Variants in NEDD4 observed in about 807,000 individuals in gnomAD.
The protein encoded by NEDD4 is E3 ubiquitin-protein ligase NEDD4.
NEDD4 carries 99 observed loss-of-function variants against 144.9 expected under a neutral mutation model. The observed-to-expected ratio is 0.68, with a 90% CI of 0.58 to 0.81. The LOEUF is 0.81. Ranked by LOEUF, NEDD4 falls within the 30% of genes least tolerant of loss-of-function variation. The pLI, the probability that NEDD4 is intolerant of heterozygous loss-of-function variation, is 0.00. For missense variants in NEDD4, 985 were observed against 1,065.9 expected (o/e 0.92, Z 1.06); for synonymous variants, 318 against 350.6 (o/e 0.91, Z 1.04).
chr15:55,896,233 G>A (rs1490548611), intron 5 of NEDD4, among the ~76,000 whole-genome samples: 1 of 152,186 alleles, frequency 6.6e-6, no homozygotes, highest in African/African-American at 2.4e-5. Context: ...CCAGGCTGGA[G>A]TGCAATGGCA....
chr15:55,830,115 T>C (rs2032876738), intron 28 of NEDD4, 116 bp from the exon 29 acceptor site: 2 of 719,186 alleles, frequency 2.8e-6, no homozygotes, highest in South Asian at 1.8e-5. Flanking sequence ...CCAAAATATG[T>C]CTTTTCACCA....
In NEDD4 at chr15:55,955,605, T is replaced by G. The variant is rs1392432831; in HGVS notation, c.120-4016A>C. ...CTGTCTTATTTCAGTTAGTGTAATA[T>G]CCTAATGATTAATCCATATTGTCAC... On this transcript the variant is annotated intron_variant, in intron 2 of 28. Coordinates refer to ENST00000435532, the MANE Select transcript of NEDD4 (RefSeq NM_006154.4). Among the ~76,000 whole-genome samples the G allele has an allele frequency of 2.0e-5, 3 of 152,142 alleles. 1 individual carries two copies. Among genetic ancestry groups the G allele is most frequent in the African/African-American group, 7.2e-5 (3 of 41,444 alleles).
At chr15:55,954,794 G>A (rs753345861) in intron 2 of NEDD4, among the ~76,000 whole-genome samples, 1 of 152,126 alleles carries the variant, frequency 6.6e-6, no homozygotes, top group Non-Finnish European at 1.5e-5. Flanking sequence ...AAAGTGCTGG[G>A]AATACAGGCG....
chr15:55,952,403 A>G (rs1250154456), intron 2 of NEDD4, among the ~76,000 whole-genome samples: 2 of 152,200 alleles, frequency 1.3e-5, no homozygotes, highest in African/African-American at 4.8e-5. Context: ...GACATGGAGA[A>G]GGAAATTCTT....
At chr15:55,857,738 G>A (rs2034252515) in intron 11 of NEDD4, among the ~76,000 whole-genome samples, 1 of 152,048 alleles carries the variant, frequency 6.6e-6, no homozygotes, top group African/African-American at 2.4e-5. Context: ...AATTCAAAAG[G>A]AGCCTGGGAA....
In NEDD4 at chr15:55,833,065, G is replaced by A; in HGVS notation, c.2470C>T (p.Leu824Phe). Reference protein sequence around the residue: ...MMDSEKRIRLLQFVTGTSRVP... With the variant: ...MMDSEKRIRLFQFVTGTSRVP... ...CGAGATGTGCCAGTGACAAACTGAA[G>A]TAATCTTATTCTTTTTTCTGAATCC... Residue 824 changes from leucine to phenylalanine, a missense_variant, in exon 27 of 29, where the codon CTT (leucine) becomes TTT (phenylalanine). Leu to Phe is a conservative substitution (Grantham distance 22, BLOSUM62 0). Transcript: ENST00000435532. 6.2e-7 allele frequency: 1 copy of A among 1,613,164 alleles called. No homozygotes were observed. The highest frequency in any genetic ancestry group is 2.2e-5 in the East Asian group (1 of 44,836).
At chr15:55,877,960 AC>A in intron 5 of NEDD4, among the ~76,000 whole-genome samples, 1 of 152,240 alleles carries the variant, frequency 6.6e-6, no homozygotes. Context: ...TTTTGGCACC[AC>A]AAAAATGATT....
At chr15:55,836,263 C>G (rs914922088) in intron 24 of NEDD4, among the ~76,000 whole-genome samples, 6 of 151,894 alleles carry the variant, frequency 4.0e-5, no homozygotes, top group African/African-American at 1.5e-4. Flanking sequence ...ATAACAGGAC[C>G]TATGTCTTTT....
intron 5 of NEDD4, among the ~76,000 whole-genome samples, chr15:55,908,925 A>C (rs1425568969): frequency 6.6e-6 from 1 of 152,168 alleles, no homozygotes; most frequent in Non-Finnish European, 1.5e-5. Flanking sequence ...CCTGGATAAT[A>C]TTATTTTAGG....
chr15:55,993,504 C>A lies in NEDD4; in HGVS notation c.45+7G>T, dbSNP rs767617759. The A allele has an allele frequency of 6.3e-7, 1 of 1,596,428 alleles. No individual in the cohort carries two copies. Among genetic ancestry groups the A allele is most frequent in the Admixed American group, 1.7e-5 (1 of 58,128 alleles). ...AAGCCCGCCCCGCAGCCCCGCGGTC[C>A]CCGCACCTCGTCCTCCAGGAGCCCG... On this transcript the variant is annotated splice_region_variant and intron_variant, in intron 1 of 28. Coordinates refer to ENST00000435532, the MANE Select transcript of NEDD4 (RefSeq NM_006154.4).
intron 1 of NEDD4, among the ~76,000 whole-genome samples, chr15:55,979,293 C>G (rs1455112265): frequency 6.8e-6 from 1 of 146,728 alleles, no homozygotes; most frequent in Non-Finnish European, 1.5e-5. Context: ...AGGAAATATG[C>G]AAAAATAAAG....
In NEDD4 at chr15:55,916,758, T is replaced by C. The variant is rs146972216; in HGVS notation, c.291+7888A>G. On this transcript the variant is annotated intron_variant, in intron 5 of 28. Coordinates refer to ENST00000435532, the MANE Select transcript of NEDD4 (RefSeq NM_006154.4). ...CATGTGAACATGGCTATCCAAGTCA[T>C]CTCCGGAGGTTTCTGACAAAGGGTA... 390 of 1,613,812 alleles carry C rather than the reference T, an allele frequency of 2.4e-4. 2 individuals are homozygous for C. The highest frequency in any genetic ancestry group is 4.0e-5 in the Non-Finnish European group (47 of 1,179,854).
rs74015340 is a variant in NEDD4 at position 55,927,896 on chromosome 15, T to C, written c.238-3197A>G. On this transcript the variant is annotated intron_variant, in intron 4 of 28. Coordinates refer to ENST00000435532, the MANE Select transcript of NEDD4 (RefSeq NM_006154.4). ...CCATTTTGAGGAAAAACCTCCAAAG[T>C]ATCAATGTCTATCAAAATATCTAGC... is the stretch of plus-strand genomic sequence containing the variant. Among the ~76,000 whole-genome samples the C allele has an allele frequency of 9.5e-3, 1,440 of 152,294 alleles. 37 individuals carry two copies. Among genetic ancestry groups the C allele is most frequent in the African/African-American group, 0.033 (1,381 of 41,560 alleles).
In NEDD4 at chr15:55,860,484, T is replaced by G. The variant is rs776959005; in HGVS notation, c.883A>C (p.Thr295Pro). ...PPPSSNLDVP[T>P]HLAEELNARL... Reference sequence around the variant, plus strand: ...GCATTCAATTCTTCTGCAAGATGAGTTGGAACATCCAAGTTACTTGACGGT... The same window carrying G: ...GCATTCAATTCTTCTGCAAGATGAGGTGGAACATCCAAGTTACTTGACGGT... The change falls in exon 11 of 29, where the codon ACT becomes CCT. Residue 295 changes from threonine (T) to proline (P), a missense_variant. Thr to Pro is a conservative substitution (Grantham distance 38, BLOSUM62 -1). Transcript: ENST00000435532. 1 of 1,614,086 alleles carries G rather than the reference T, an allele frequency of 6.2e-7. No individual in the cohort carries two copies. The highest frequency in any genetic ancestry group is 1.1e-5 in the South Asian group (1 of 91,084).
In NEDD4 at chr15:55,888,831, C is replaced by T. The variant is rs139396981; in HGVS notation, c.292-14823G>A. Among the ~76,000 whole-genome samples the T allele has an allele frequency of 4.4e-3, 675 of 152,142 alleles. 11 individuals are homozygous for T. Among genetic ancestry groups the T allele is most frequent in the Admixed American group, 4.2e-3 (64 of 15,264 alleles). On this transcript the variant is annotated intron_variant, in intron 5 of 28. Transcript: ENST00000435532. The stretch of plus-strand genomic sequence containing the variant: ...GTGAATTCATATTGGGTAAAGGTGC[C>T]GAGAACATACACTGGGGAAAGGACA...
At chr15:55,899,238 T>A (rs2035835073) in intron 5 of NEDD4, among the ~76,000 whole-genome samples, 1 of 152,226 alleles carries the variant, frequency 6.6e-6, no homozygotes, top group African/African-American at 2.4e-5. Context: ...CATTATGTAG[T>A]GGCAGAATAA....
chr15:55,885,380 G>A lies in NEDD4; in HGVS notation c.292-11372C>T, dbSNP rs114300493. Among the ~76,000 whole-genome samples the A allele has an allele frequency of 5.7e-3, 870 of 152,254 alleles. 10 individuals are homozygous for A. Among genetic ancestry groups the A allele is most frequent in the African/African-American group, 0.02 (818 of 41,542 alleles). On this transcript the variant is annotated intron_variant, in intron 5 of 28. Coordinates refer to ENST00000435532, the MANE Select transcript of NEDD4 (RefSeq NM_006154.4). The stretch of plus-strand genomic sequence containing the variant: ...GAAGGTACAAATTTCACTGGTAACA[G>A]TAAGAACACAGAAAAGCACAGAATA...
At chr15:55,972,289 G>A (rs1223905484) in intron 1 of NEDD4, among the ~76,000 whole-genome samples, 1 of 152,014 alleles carries the variant, frequency 6.6e-6, no homozygotes, top group South Asian at 2.1e-4. Context: ...ACTAAAAGAT[G>A]AACCTATCAA....
At chr15:55,959,604 A>T (rs2037393926) in intron 2 of NEDD4, among the ~76,000 whole-genome samples, 1 of 152,196 alleles carries the variant, frequency 6.6e-6, no homozygotes, top group Non-Finnish European at 1.5e-5. Context: ...TAACCAACAG[A>T]TTATGGCAAA....
Sources: gnomAD v4.1 joint callset for allele counts (sites outside exome capture counted in the v4.1 genomes callset) on GRCh38, gnomAD v4.1.1 for gene constraint, MANE v1.5 for transcripts, NCBI Gene and HGNC (gene_info 2026-07-23, HGNC 2026-07-21) for gene names.